The following ANKS1A variants were observed in gnomAD, a reference collection of about 807,000 sequenced individuals.
ANKS1A encodes the protein ankyrin repeat and sterile alpha motif domain containing 1A.
Under a neutral mutation model 120.3 loss-of-function variants are expected in ANKS1A, and 55 were observed. The ratio of observed to expected loss-of-function variants is 0.46; its 90% CI spans 0.37 to 0.57. The LOEUF (loss-of-function observed/expected upper bound fraction) is 0.57, where lower values mean the gene tolerates loss of function less well. Ranked by LOEUF, ANKS1A falls within the 20% of genes least tolerant of loss-of-function variation. The pLI, the probability that ANKS1A is intolerant of heterozygous loss-of-function variation, is 0.00. For missense variants in ANKS1A, 1,123 were observed against 1,480.3 expected (o/e 0.76, Z 3.96); for synonymous variants, 590 against 604.7 (o/e 0.98, Z 0.36).
In ANKS1A at chr6:35,065,080, C is replaced by T. The variant is rs146139147; in HGVS notation, c.2184+4827C>T. Reference sequence around the variant, plus strand: ...CTCGCTATCCCAGGAGTTGATGCTGCACCAGGGCCTCACCATCTCTGCCAG... The same window carrying T: ...CTCGCTATCCCAGGAGTTGATGCTGTACCAGGGCCTCACCATCTCTGCCAG... On this transcript the variant is annotated intron_variant, in intron 13 of 23. Coordinates refer to ENST00000360359, the MANE Select transcript of ANKS1A (RefSeq NM_015245.3). Among the ~76,000 whole-genome samples the T allele has an allele frequency of 6.0e-3, 914 of 152,264 alleles. 10 individuals carry two copies. Among genetic ancestry groups the T allele is most frequent in the Non-Finnish European group, 0.01 (700 of 68,000 alleles).
At chr6:35,067,850 G>A (rs1776854629) in intron 13 of ANKS1A, among the ~76,000 whole-genome samples, 1 of 149,928 alleles carries the variant, frequency 6.7e-6, no homozygotes, top group Admixed American at 6.7e-5. Context: ...TAGACTTATG[G>A]GTAGCTTTTA....
intron 1 of ANKS1A, among the ~76,000 whole-genome samples, chr6:34,891,888 A>G (rs1334256034): frequency 6.6e-6 from 1 of 152,120 alleles, no homozygotes; most frequent in Non-Finnish European, 1.5e-5. Context: ...CGGCCTCCCA[A>G]AGTGCTGGGA....
intron 14 of ANKS1A, among the ~76,000 whole-genome samples, 174 bp downstream of exon 14, chr6:35,078,830 C>T (rs1442679694): frequency 6.6e-6 from 1 of 152,222 alleles, no homozygotes; most frequent in Non-Finnish European, 1.5e-5. Context: ...CTGTTTGCTT[C>T]CTCACTATGC....
chr6:35,056,591 C>T (rs995972447), intron 12 of ANKS1A, among the ~76,000 whole-genome samples: 2 of 152,202 alleles, frequency 1.3e-5, no homozygotes, highest in Non-Finnish European at 2.9e-5. Flanking sequence ...CCTGGCCCCA[C>T]CTACCAGTTT....
intron 12 of ANKS1A, among the ~76,000 whole-genome samples, chr6:35,054,520 A>G (rs960106937): frequency 6.6e-5 from 10 of 152,204 alleles, no homozygotes; most frequent in Admixed American, 5.2e-4. Flanking sequence ...AGCTTCCAAG[A>G]TGGCTCTCAA....
At chr6:34,944,577 G>A (rs1310875388) in intron 1 of ANKS1A, among the ~76,000 whole-genome samples, 2 of 152,020 alleles carry the variant, frequency 1.3e-5, no homozygotes, top group Non-Finnish European at 2.9e-5. Flanking sequence ...TGAGTTCTTG[G>A]TATACAGTTT....
chr6:35,089,623 G>C lies in ANKS1A; in HGVS notation c.*1014G>C. 3.0e-6 allele frequency: 3 copies of C among 986,776 alleles called. No homozygotes were observed. The highest frequency in any genetic ancestry group is 3.6e-6 in the Non-Finnish European group (3 of 830,620). 61.1% of individuals were successfully genotyped at this position (986,776 alleles called of 1,614,324 possible). ...GCTGCTGGGCCCATCCCTGGCCCCC[G>C]GTGTGGAAAAGGCTAAATAAGGTGA... On this transcript the variant is annotated 3_prime_UTR_variant, in exon 24 of 24. Coordinates refer to ENST00000360359, the MANE Select transcript of ANKS1A (RefSeq NM_015245.3).
intron 10 of ANKS1A, among the ~76,000 whole-genome samples, chr6:35,009,046 C>T (rs935970573): frequency 2.0e-5 from 3 of 152,260 alleles, no homozygotes; most frequent in South Asian, 4.2e-4. Context: ...GGATCTCCAC[C>T]GTCAGTGTTT....
intron 1 of ANKS1A, among the ~76,000 whole-genome samples, chr6:34,942,615 T>C (rs1350058086): frequency 6.6e-6 from 1 of 152,180 alleles, no homozygotes; most frequent in Non-Finnish European, 1.5e-5. Context: ...GAGTGTAAAG[T>C]TAGGATCTTG....
At position 35,089,795 on chromosome 6, in the gene ANKS1A, G is replaced by A; in HGVS notation, c.*1186G>A. On this transcript the variant is annotated 3_prime_UTR_variant, in exon 24 of 24. Transcript: ENST00000360359. Reference sequence around the variant, plus strand: ...CTCTGGACTAGAGTAGAAATGCAGGGGAAACTGCTGTGGATTTGAGAGGCA... The same window carrying A: ...CTCTGGACTAGAGTAGAAATGCAGGAGAAACTGCTGTGGATTTGAGAGGCA... The A allele has an allele frequency of 9.8e-7, 1 of 1,023,906 alleles. No individual in the cohort carries two copies. Among genetic ancestry groups the A allele is most frequent in the Non-Finnish European group, 1.2e-6 (1 of 853,950 alleles). 63.4% of individuals were successfully genotyped at this position (1,023,906 alleles called of 1,614,324 possible). A position where few individuals can be genotyped will look rare whatever the true frequency, so the allele number is the denominator to read the frequency against.
At chr6:35,002,200 G>A (rs1376511665) in intron 10 of ANKS1A, among the ~76,000 whole-genome samples, 2 of 152,248 alleles carry the variant, frequency 1.3e-5, no homozygotes, top group Admixed American at 6.5e-5. Flanking sequence ...ACATAACTGT[G>A]TAGAGGCATT....
At chr6:35,001,463 G>A (rs1311962000) in intron 10 of ANKS1A, among the ~76,000 whole-genome samples, 1 of 152,228 alleles carries the variant, frequency 6.6e-6, no homozygotes, top group African/African-American at 2.4e-5. Flanking sequence ...CTCCATGGTA[G>A]CTCTTTTCCG....
chr6:34,988,877 C>A (rs185932095), intron 8 of ANKS1A, among the ~76,000 whole-genome samples: 41 of 152,236 alleles, frequency 2.7e-4, no homozygotes, highest in African/African-American at 9.2e-4. Flanking sequence ...GAAAAGTGAA[C>A]CACTGATTTT....
intron 1 of ANKS1A, among the ~76,000 whole-genome samples, chr6:34,920,447 C>T (rs1216053910): frequency 6.6e-6 from 1 of 152,090 alleles, no homozygotes; most frequent in Non-Finnish European, 1.5e-5. Context: ...AAACTCCCGG[C>T]TTCAAGAAAT....
intron 10 of ANKS1A, among the ~76,000 whole-genome samples, chr6:35,000,461 TAAA>T (rs34756440): frequency 6.8e-6 from 1 of 146,698 alleles, no homozygotes. Flanking sequence ...AAAGTTCACT[TAAA>T]AAAAAAAAAA....
intron 1 of ANKS1A, among the ~76,000 whole-genome samples, chr6:34,907,489 T>A (rs891770531): frequency 2.0e-5 from 3 of 152,154 alleles, no homozygotes; most frequent in Non-Finnish European, 4.4e-5. Context: ...AGGTTTTGAA[T>A]CCCACAAACG....
intron 1 of ANKS1A, among the ~76,000 whole-genome samples, chr6:34,927,368 G>A (rs574473989): frequency 2.6e-5 from 4 of 152,208 alleles, no homozygotes; most frequent in African/African-American, 9.6e-5. Flanking sequence ...ACTGACTAGG[G>A]TAATGGGAAA....
intron 16 of ANKS1A, among the ~76,000 whole-genome samples, chr6:35,080,306 A>G (rs918285963): frequency 5.3e-5 from 8 of 152,160 alleles, no homozygotes; most frequent in African/African-American, 1.9e-4. Context: ...TGGGGTGGCT[A>G]AGACAGCTTG....
At chr6:35,041,015 T>C (rs192190560) in intron 11 of ANKS1A, among the ~76,000 whole-genome samples, 23 of 152,358 alleles carry the variant, frequency 1.5e-4, no homozygotes, top group Admixed American at 8.5e-4. Flanking sequence ...TAAGATTTTA[T>C]TGCATGTTAA....
Sources: allele counts gnomAD v4.1 joint callset (sites outside exome capture counted in the v4.1 genomes callset), GRCh38; gene constraint gnomAD v4.1.1; transcripts MANE v1.5; gene names NCBI Gene and HGNC (gene_info 2026-07-23, HGNC 2026-07-21).